The following BCL11B variants were observed in gnomAD, a reference collection of about 807,000 sequenced individuals.
BCL11B encodes BCL11 transcription factor B.
A neutral mutation model predicts 49.9 loss-of-function variants in BCL11B; 8 were observed. The observed-to-expected ratio is 0.16, with a 90% CI of 0.09 to 0.29. The LOEUF (loss-of-function observed/expected upper bound fraction) is 0.29, where lower values mean the gene tolerates loss of function less well. BCL11B is among the 10% of genes least tolerant of loss of function. The pLI, the probability that BCL11B is intolerant of heterozygous loss-of-function variation, is 1.00. For synonymous variants in BCL11B, 739 were observed against 637.4 expected (o/e 1.16, Z -2.40); for missense variants, 1,006 against 1,351.0 (o/e 0.74, Z 4.00).
chr14:99,174,147 G>A lies in BCL11B; in HGVS notation c.*4C>T, dbSNP rs760505351. ...ACAGGTGCGGGGCGCCGGGGCCCGCGCGCTTAGCTCCTCTCGGCCTGCTCG... is the reference window on the plus strand; with the variant it reads ...ACAGGTGCGGGGCGCCGGGGCCCGCACGCTTAGCTCCTCTCGGCCTGCTCG... On this transcript the variant is annotated 3_prime_UTR_variant, in exon 4 of 4. Coordinates refer to ENST00000357195, the MANE Select transcript of BCL11B (RefSeq NM_138576.4). 20 of 1,610,826 alleles carry A rather than the reference G, an allele frequency of 1.2e-5. No individual in the cohort carries two copies. Among genetic ancestry groups the A allele is most frequent in the Non-Finnish European group, 1.6e-5 (19 of 1,179,912 alleles).
At chr14:99,225,337 A>G (rs1391608207) in intron 3 of BCL11B, among the ~76,000 whole-genome samples, 5 of 152,272 alleles carry the variant, frequency 3.3e-5, no homozygotes, top group Admixed American at 3.3e-4. Context: ...TTAGATTGTT[A>G]TAGACTGACT....
At position 99,262,716 on chromosome 14, in the gene BCL11B, T is replaced by C. The variant is rs1353818889; in HGVS notation, c.59-4877A>G. ...TACGAAGAGATCTTTTCATCTCCTC[T>C]CCGTGAACACTTGGGGAGGGGCTGG... is the stretch of plus-strand genomic sequence containing the variant. On this transcript the variant is annotated intron_variant, in intron 1 of 3. Transcript: ENST00000357195. The surrounding 1 kb of genome is among the most constrained non-coding windows in gnomAD (Gnocchi z 4.2). Among the ~76,000 whole-genome samples, 1 of 152,142 alleles carries C rather than the reference T, an allele frequency of 6.6e-6. No homozygotes were observed. The highest frequency in any genetic ancestry group is 2.4e-5 in the African/African-American group (1 of 41,412).
At chr14:99,215,680 G>A (rs1190147703) in intron 3 of BCL11B, among the ~76,000 whole-genome samples, 1 of 152,172 alleles carries the variant, frequency 6.6e-6, no homozygotes, top group East Asian at 1.9e-4. Flanking sequence ...GGCTCGCACT[G>A]CCTCCATAAA....
intron 3 of BCL11B, among the ~76,000 whole-genome samples, chr14:99,199,683 T>TGTGTGTGTGC (rs759599743): frequency 4.5e-4 from 33 of 73,732 alleles, no homozygotes; most frequent in South Asian, 4.2e-3. Flanking sequence ...TGTGTGTGTG[T>TGTGTGTGTGC]GCGCGCGCGC....
In BCL11B at chr14:99,241,890, T is replaced by C. The variant is rs567930777; in HGVS notation, c.428-10333A>G. On this transcript the variant is annotated intron_variant, in intron 2 of 3. Transcript: ENST00000357195. The surrounding 1 kb of genome is among the most constrained non-coding windows in gnomAD (Gnocchi z 4.4). ...TGGTCAAAAGCAGGTAGGAAGCAAA[T>C]GCTGAGAAATAAGGAAGTAAAAACA... 6.6e-6 allele frequency among the ~76,000 whole-genome samples: 1 copy of C among 152,276 alleles called. No homozygotes were observed. The highest frequency in any genetic ancestry group is 6.5e-5 in the Admixed American group (1 of 15,306).
intron 2 of BCL11B, among the ~76,000 whole-genome samples, chr14:99,253,790 C>T (rs1889077628): frequency 6.6e-6 from 1 of 152,208 alleles, no homozygotes; most frequent in Non-Finnish European, 1.5e-5. Context: ...GGGTCCTGTG[C>T]TCCCCTGAAC....
In BCL11B at chr14:99,231,490, G is replaced by C. The variant is rs774711286; in HGVS notation, c.495C>G (p.Ser165=). Residue 165 remains serine, a synonymous_variant, in exon 3 of 4, where the codon TCC becomes TCG. Transcript: ENST00000357195. This position sits in a 1 kb window ranked among gnomAD's most constrained non-coding sequence, Gnocchi z 8.1. ...GGGCACGCAGAGGTGAAGTGATCAC[G>C]GATGAGTGAGGGTGGGAGGAGGCAG... is the stretch of plus-strand genomic sequence containing the variant. The part of the protein sequence containing the change: ...PIAASSHPHS[S]VITSPLRALG... 3 of 1,601,486 alleles carry C rather than the reference G, an allele frequency of 1.9e-6. No homozygotes were observed. The highest frequency in any genetic ancestry group is 3.4e-5 in the Admixed American group (2 of 58,382).
Position 99,257,942 on chromosome 14 carries a change from G to T in BCL11B, c.59-103C>A. 9 of 1,342,474 alleles carry T rather than the reference G, an allele frequency of 6.7e-6. No homozygotes were observed. Among genetic ancestry groups the T allele is most frequent in the Non-Finnish European group, 8.8e-6 (9 of 1,025,404 alleles). The allele number at this position is 1,342,474 out of a possible 1,614,324, so 83.2% of individuals were successfully genotyped here. A position where few individuals can be genotyped will look rare whatever the true frequency, so the allele number is the denominator to read the frequency against. On this transcript the variant is annotated intron_variant, in intron 1 of 3. Coordinates refer to ENST00000357195, the MANE Select transcript of BCL11B (RefSeq NM_138576.4). The surrounding 1 kb of genome is among the most constrained non-coding windows in gnomAD (Gnocchi z 6.2). ...TCCACCCCTTCCCCGCCAAGAAGCAGCCCCCTCTGCTGCTGGCTGCCAGAG... is the reference window on the plus strand; with the variant it reads ...TCCACCCCTTCCCCGCCAAGAAGCATCCCCCTCTGCTGCTGGCTGCCAGAG...
chr14:99,175,260 G>A lies in BCL11B; in HGVS notation c.1576C>T (p.Leu526=). Residue 526 remains leucine, a synonymous_variant, in exon 4 of 4, where the codon CTG becomes TTG. Transcript: ENST00000357195. ...DFRHHESDPS[L]GHEPEEEDEE... ...TCCTCCTCCTCCGGCTCGTGGCCCAGCGACGGGTCGCTCTCGTGGTGGCGG... is the reference window on the plus strand; with the variant it reads ...TCCTCCTCCTCCGGCTCGTGGCCCAACGACGGGTCGCTCTCGTGGTGGCGG... 3.9e-6 allele frequency: 6 copies of A among 1,542,210 alleles called. No individual in the cohort carries two copies. The highest frequency in any genetic ancestry group is 2.4e-5 in the South Asian group (2 of 84,680).
chr14:99,214,734 G>C (rs775780635), intron 3 of BCL11B, among the ~76,000 whole-genome samples: 2 of 152,000 alleles, frequency 1.3e-5, no homozygotes, highest in African/African-American at 2.4e-5. Context: ...GGGAGCATGG[G>C]GACCCGGCAG....
chr14:99,267,417 T>C (rs1257906054), intron 1 of BCL11B, among the ~76,000 whole-genome samples: 2 of 152,250 alleles, frequency 1.3e-5, no homozygotes, highest in East Asian at 3.9e-4. Context: ...TACAAATGAA[T>C]AAAATCAGCC....
intron 3 of BCL11B, 132 bp from the exon 4 acceptor site, chr14:99,176,327 G>A (rs1486440148): frequency 1.2e-6 from 1 of 820,788 alleles, no homozygotes; most frequent in Non-Finnish European, 1.8e-6. Flanking sequence ...CCTGACAGGG[G>A]CTGCAGGGCC....
intron 3 of BCL11B, among the ~76,000 whole-genome samples, chr14:99,208,505 G>A (rs752947033): frequency 6.6e-5 from 10 of 152,206 alleles, no homozygotes; most frequent in African/African-American, 2.4e-4. Context: ...CTCCTGAAGC[G>A]CTAAAGTAAT....
chr14:99,244,863 CATATT>C (rs1054283785), intron 2 of BCL11B, among the ~76,000 whole-genome samples: 1 of 152,192 alleles, frequency 6.6e-6, no homozygotes, highest in African/African-American at 2.4e-5. Flanking sequence ...CATACTATTT[CATATT>C]ATAAGTATAT....
At chr14:99,249,164 A>G (rs1244154795) in intron 2 of BCL11B, among the ~76,000 whole-genome samples, 1 of 152,154 alleles carries the variant, frequency 6.6e-6, no homozygotes, top group Admixed American at 6.5e-5. Context: ...CCCAGCCAGG[A>G]GCAGAAAGGG....
chr14:99,209,861 C>G (rs1283291990), intron 3 of BCL11B, among the ~76,000 whole-genome samples: 2 of 152,202 alleles, frequency 1.3e-5, no homozygotes, highest in Non-Finnish European at 2.9e-5. Flanking sequence ...CTGGCACCCA[C>G]TAGCCCTCAA....
At position 99,192,700 on chromosome 14, in the gene BCL11B, G is replaced by A. The variant is rs1887068267; in HGVS notation, c.641-16505C>T. Among the ~76,000 whole-genome samples the A allele has an allele frequency of 1.3e-5, 2 of 152,142 alleles. No individual in the cohort carries two copies. The highest frequency in any genetic ancestry group is 1.3e-4 in the Admixed American group (2 of 15,284). On this transcript the variant is annotated intron_variant, in intron 3 of 3. Transcript: ENST00000357195. This position sits in a 1 kb window ranked among gnomAD's most constrained non-coding sequence, Gnocchi z 4.0. ...TCTGATTCTCCTGCTTCCTAGCCTT[G>A]GCTGAACATGAATGAGTGAGCTCAA...
intron 3 of BCL11B, among the ~76,000 whole-genome samples, chr14:99,187,491 G>GAGCT (rs1392603540): frequency 1.3e-5 from 2 of 152,060 alleles, no homozygotes; most frequent in African/African-American, 4.8e-5. Flanking sequence ...GCCGATAGCT[G>GAGCT]AGCTCACTTT....
rs764416110 is a variant in BCL11B at position 99,231,421 on chromosome 14, C to A, written c.564G>T (p.Ala188=). 4.4e-6 allele frequency: 7 copies of A among 1,596,232 alleles called. No individual in the cohort carries two copies. Among genetic ancestry groups the A allele is most frequent in the Non-Finnish European group, 6.0e-6 (7 of 1,170,984 alleles). ...GAGTCCCGTCACCCGAGACCGGGCG[C>A]GCGCTGCAGCACGGCAGGGGGAGGC... ...PPCLPLPCCS[A]RPVSGDGTQG... is the part of the protein sequence containing the mutation. Residue 188 remains alanine (A), a synonymous_variant, in exon 3 of 4, where the codon GCG becomes GCT. Coordinates refer to ENST00000357195, the MANE Select transcript of BCL11B (RefSeq NM_138576.4). The surrounding 1 kb of genome is among the most constrained non-coding windows in gnomAD (Gnocchi z 8.1).
Sources: allele counts gnomAD v4.1 joint callset (sites outside exome capture counted in the v4.1 genomes callset), GRCh38; gene constraint gnomAD v4.1.1; non-coding constraint Gnocchi (gnomAD v3.1); transcripts MANE v1.5; gene names NCBI Gene and HGNC (gene_info 2026-07-23, HGNC 2026-07-21).